AGPS: variants seen among roughly 807,000 people sequenced by gnomAD.
The protein encoded by AGPS is alkyldihydroxyacetonephosphate synthase, peroxisomal.
Under a neutral mutation model 90.7 loss-of-function variants are expected in AGPS, and 26 were observed. The observed-to-expected ratio is 0.29, with a 90% confidence interval of 0.21 to 0.40. AGPS has a LOEUF of 0.40. Ranked by LOEUF, AGPS falls within the 10% of genes least tolerant of loss-of-function variation. AGPS has a pLI of 1.00. For synonymous variants in AGPS, 294 were observed against 285.3 expected (o/e 1.03, Z -0.31); for missense variants, 540 against 816.1 (o/e 0.66, Z 4.12).
Position 177,456,407 on chromosome 2 carries a change from A to G in AGPS, c.871-5486A>G, listed in dbSNP as rs559432190. ...ATATTGTGGTATACTGCGGTATGCA[A>G]ATTTTCTAGCAACAGTAAATGACAA... On this transcript the variant is annotated intron_variant, in intron 8 of 19. Coordinates refer to ENST00000264167, the MANE Select transcript of AGPS (RefSeq NM_003659.4). 1.1e-4 allele frequency among the ~76,000 whole-genome samples: 16 copies of G among 152,322 alleles called. 1 individual carries two copies. The South Asian group carries it at 1.7e-3, about 16-fold the overall frequency.
Position 177,419,663 on chromosome 2 carries a change from A to T in AGPS, c.261-606A>T, listed in dbSNP as rs544530416. Among the ~76,000 whole-genome samples the T allele has an allele frequency of 8.7e-4, 133 of 152,030 alleles. 2 individuals carry two copies. The South Asian group carries it at 0.021, about 24-fold the overall frequency. ...TGGTATTTTGGAAATTAAAAATAGC[A>T]TGTTATTTTGAAATATTGAAAGTGA... is the stretch of plus-strand genomic sequence containing the variant. On this transcript the variant is annotated intron_variant, in intron 1 of 19. Transcript: ENST00000264167.
intron 12 of AGPS, among the ~76,000 whole-genome samples, chr2:177,494,226 G>T (rs1441601419): frequency 6.6e-6 from 1 of 152,154 alleles, no homozygotes; most frequent in Non-Finnish European, 1.5e-5. Context: ...ATTTAGGGAA[G>T]CATGGTTATA....
chr2:177,536,061 G>A (rs2079181194), intron 19 of AGPS, among the ~76,000 whole-genome samples: 1 of 152,106 alleles, frequency 6.6e-6, no homozygotes, highest in African/African-American at 2.4e-5. Flanking sequence ...CCAGCGCTTG[G>A]TGAGTGACTT....
At chr2:177,493,011 T>G in intron 11 of AGPS, 137 bp from the exon 12 acceptor site, 1 of 737,308 alleles carries the variant, frequency 1.4e-6, no homozygotes, top group Non-Finnish European at 2.2e-6. Flanking sequence ...TATGAAAAGT[T>G]AACTTTTTTT....
In AGPS at chr2:177,441,049, C is replaced by A; in HGVS notation, c.709+13C>A. The A allele has an allele frequency of 6.3e-7, 1 of 1,594,444 alleles. No individual in the cohort carries two copies. The highest frequency in any genetic ancestry group is 8.6e-7 in the Non-Finnish European group (1 of 1,163,768). On this transcript the variant is annotated intron_variant, in intron 6 of 19. Transcript: ENST00000264167. ...ATACCAATTGGTGGTAGGTATTGTGCCTTTTGAATTTTAATATGTAAATTT... is the reference window on the plus strand; with the variant it reads ...ATACCAATTGGTGGTAGGTATTGTGACTTTTGAATTTTAATATGTAAATTT...
intron 1 of AGPS, among the ~76,000 whole-genome samples, chr2:177,400,843 A>G (rs1685311740): frequency 6.6e-6 from 1 of 152,218 alleles, no homozygotes; most frequent in Non-Finnish European, 1.5e-5. Flanking sequence ...AATTTGCTAT[A>G]ATCACAGAAG....
intron 1 of AGPS, among the ~76,000 whole-genome samples, chr2:177,397,329 C>T (rs971782953): frequency 2.0e-5 from 3 of 152,112 alleles, no homozygotes; most frequent in Non-Finnish European, 2.9e-5. Flanking sequence ...TGGATCCTCC[C>T]TTTTTCCTTA....
At position 177,508,797 on chromosome 2, in the gene AGPS, T is replaced by A. The variant is rs1436466100; in HGVS notation, c.1607+766T>A. On this transcript the variant is annotated intron_variant, in intron 16 of 19. Transcript: ENST00000264167. The stretch of plus-strand genomic sequence containing the variant: ...AGAAGTGTTTGAGATTTTAGAATAT[T>A]TGTATTATATATTTACCAGTTGAGC... Among the ~76,000 whole-genome samples, 6 of 152,182 alleles carry A rather than the reference T, an allele frequency of 3.9e-5. No homozygotes were observed. The East Asian group carries it at 1.2e-3, about 29-fold the overall frequency.
In AGPS at chr2:177,422,427, TC is replaced by T. The variant is rs145315859; in HGVS notation, c.350+2071del. On this transcript the variant is annotated intron_variant, in intron 2 of 19. Coordinates refer to ENST00000264167, the MANE Select transcript of AGPS (RefSeq NM_003659.4). ...GTTGGTTTTAATGGGTTACTACCAC[TC>T]CTACCAGAATGCATTCCTTAAAGGC... Among the ~76,000 whole-genome samples, 610 of 152,258 alleles carry T rather than the reference TC, an allele frequency of 4.0e-3. 5 individuals carry two copies. The highest frequency in any genetic ancestry group is 0.032 in the East Asian group (167 of 5,180).
intron 14 of AGPS, among the ~76,000 whole-genome samples, chr2:177,503,208 A>G (rs1248630015): frequency 6.6e-6 from 1 of 152,222 alleles, no homozygotes; most frequent in Non-Finnish European, 1.5e-5. Context: ...TAGTAGCCAC[A>G]TAATGAATAA....
chr2:177,490,874 A>G (rs1688234418), intron 11 of AGPS, among the ~76,000 whole-genome samples: 1 of 100,548 alleles, frequency 9.9e-6, no homozygotes, highest in Non-Finnish European at 2.1e-5. Context: ...TTTTTTTTAA[A>G]GACAGAGTTT....
intron 7 of AGPS, among the ~76,000 whole-genome samples, chr2:177,445,115 C>T (rs1686728482): frequency 6.6e-6 from 1 of 152,192 alleles, no homozygotes; most frequent in Admixed American, 6.5e-5. Context: ...GCTATGTTAA[C>T]ACAGTGCAGA....
Position 177,408,417 on chromosome 2 carries a change from A to G in AGPS, c.261-11852A>G, listed in dbSNP as rs191246526. Among the ~76,000 whole-genome samples, 29 of 152,370 alleles carry G rather than the reference A, an allele frequency of 1.9e-4. 2 individuals carry two copies. The East Asian group carries it at 5.6e-3, about 29-fold the overall frequency. ...CTTTTTAAGACTTTTATAAACATACATGAACTAGGCAAATTTCCATAGCGG... is the reference window on the plus strand; with the variant it reads ...CTTTTTAAGACTTTTATAAACATACGTGAACTAGGCAAATTTCCATAGCGG... On this transcript the variant is annotated intron_variant, in intron 1 of 19. Transcript: ENST00000264167.
chr2:177,480,909 A>C (rs1687925862), intron 10 of AGPS, among the ~76,000 whole-genome samples: 1 of 152,088 alleles, frequency 6.6e-6, no homozygotes, highest in Admixed American at 6.5e-5. Context: ...TTTTGTATTA[A>C]AATATTTATC....
At chr2:177,484,322 A>G (rs1369696376) in intron 11 of AGPS, among the ~76,000 whole-genome samples, 1 of 151,874 alleles carries the variant, frequency 6.6e-6, no homozygotes, top group Non-Finnish European at 1.5e-5. Flanking sequence ...GAGCTTCACT[A>G]TTCCCCCCAC....
intron 1 of AGPS, among the ~76,000 whole-genome samples, chr2:177,409,457 T>C (rs957521685): frequency 2.6e-5 from 4 of 152,088 alleles, no homozygotes; most frequent in African/African-American, 9.6e-5. Flanking sequence ...TACTATCTGA[T>C]TGGTTGGGTG....
intron 19 of AGPS, among the ~76,000 whole-genome samples, chr2:177,529,853 G>GTGACCTTAGGGAAATAATTTCTC (rs1321508987): frequency 1.3e-5 from 2 of 152,204 alleles, no homozygotes; most frequent in Admixed American, 1.3e-4. Context: ...ATTTAACTGT[G>GTGACCTTAGGGAAATAATTTCTC]TGACCTTAGG....
chr2:177,399,217 A>G (rs990787103), intron 1 of AGPS, among the ~76,000 whole-genome samples: 3 of 152,236 alleles, frequency 2.0e-5, no homozygotes, highest in Non-Finnish European at 4.4e-5. Flanking sequence ...AGCAAGTGCT[A>G]AGCAAATATT....
chr2:177,493,837 A>G (rs936455646), intron 12 of AGPS, among the ~76,000 whole-genome samples: 1 of 152,188 alleles, frequency 6.6e-6, no homozygotes, highest in East Asian at 1.9e-4. Context: ...ACACTAGGAG[A>G]TGAAACAGCT....
Sources: allele counts gnomAD v4.1 joint callset (sites outside exome capture counted in the v4.1 genomes callset), GRCh38; gene constraint gnomAD v4.1.1; transcripts MANE v1.5; gene names NCBI Gene and HGNC (gene_info 2026-07-23, HGNC 2026-07-21).